The following MYBL2 variants were observed in gnomAD, a reference collection of about 807,000 sequenced individuals.
The protein encoded by MYBL2 is myb-related protein B.
MYBL2 carries 28 observed loss-of-function variants against 79.9 expected under a neutral mutation model. The ratio of observed to expected loss-of-function variants is 0.35; its 90% CI spans 0.26 to 0.48. The LOEUF is 0.48. Among genes scored for constraint, MYBL2 ranks in the 20% least tolerant of loss-of-function variants. The probability of loss-of-function intolerance (pLI) is 0.99; values close to 1 mark genes in which losing one functional copy is unlikely to be tolerated. For synonymous variants in MYBL2, 378 were observed against 361.2 expected, an observed-to-expected ratio of 1.05 and a Z score of -0.53; for missense variants, 735 against 893.9, an observed-to-expected ratio of 0.82 and a Z score of 2.27.
rs999311714 is a variant in MYBL2, at chr20:43,699,570, G to A, written c.664-187G>A. ...TTTAGTTGTCCTATCCCTTTAGTCA[G>A]CCTTTCTTAGTGTCATGATGTTGAC... is the stretch of plus-strand genomic sequence containing the variant. On this transcript the variant is annotated intron_variant, in intron 6 of 13. Transcript: ENST00000217026. Among the ~76,000 whole-genome samples the A allele has an allele frequency of 5.9e-5, 9 of 152,282 alleles. 1 individual carries two copies. Among genetic ancestry groups the A allele is most frequent in the Admixed American group, 1.3e-4 (2 of 15,288 alleles).
chr20:43,711,730 C>T lies in MYBL2; in HGVS notation c.1719+129C>T, dbSNP rs1337579530. 3 of 761,326 alleles carry T rather than the reference C, an allele frequency of 3.9e-6. No homozygotes were observed. In the East Asian group the frequency reaches 8.3e-5, roughly 21 times the overall value. 47.2% of individuals were successfully genotyped at this position (761,326 alleles called of 1,614,324 possible). On this transcript the variant is annotated intron_variant, in intron 11 of 13. Transcript: ENST00000217026. ...TGGGGGCGTAGCATATCCCCTTTGCCCCCTTTCGCACGGTGGTTGTTGAGG... is the reference window on the plus strand; with the variant it reads ...TGGGGGCGTAGCATATCCCCTTTGCTCCCTTTCGCACGGTGGTTGTTGAGG...
chr20:43,675,914 T>TTTC, intron 2 of MYBL2, among the ~76,000 whole-genome samples: 1 of 150,484 alleles, frequency 6.6e-6, no homozygotes, highest in South Asian at 2.1e-4. Context: ...ATAGGTAGTT[T>TTTC]TTTTTTTTTT....
In MYBL2 at chr20:43,713,096, C is replaced by G. The variant is rs769506148; in HGVS notation, c.1814C>G (p.Ser605Cys). 4 of 1,612,038 alleles carry G rather than the reference C, an allele frequency of 2.5e-6. No homozygotes were observed. The highest frequency in any genetic ancestry group is 2.5e-6 in the Non-Finnish European group (3 of 1,179,038). ...VKLMMSTLPK[S>C]LSLPTTAPSN... Reference sequence around the variant, plus strand: ...CTGATGATGTCCACACTGCCCAAGTCTCTATCCTTGGTAAGGCTTCTGCTC... The same window carrying G: ...CTGATGATGTCCACACTGCCCAAGTGTCTATCCTTGGTAAGGCTTCTGCTC... Residue 605 changes from serine to cysteine, a missense_variant, in exon 12 of 14, where the codon TCT becomes TGT. Physicochemically the swap from Ser to Cys is moderately radical, Grantham distance 112. Transcript: ENST00000217026.
At chr20:43,704,697 A>G (rs1303994980) in intron 8 of MYBL2, among the ~76,000 whole-genome samples, 1 of 152,140 alleles carries the variant, frequency 6.6e-6, no homozygotes, top group East Asian at 1.9e-4. Flanking sequence ...AACCTCTCTA[A>G]GCGTTGGTTT....
chr20:43,693,545 C>G (rs972091998), intron 6 of MYBL2, among the ~76,000 whole-genome samples: 17 of 152,078 alleles, frequency 1.1e-4, no homozygotes, highest in African/African-American at 4.1e-4. Flanking sequence ...CCATGTTGGT[C>G]AAACTGGTCT....
intron 1 of MYBL2, among the ~76,000 whole-genome samples, chr20:43,672,422 C>T (rs866799438): frequency 1.6e-4 from 8 of 50,868 alleles, no homozygotes; most frequent in Admixed American, 3.6e-4. Context: ...GAGACCCTGT[C>T]ATTACAAAAA....
chr20:43,680,360 TGGA>T (rs1987114998), intron 2 of MYBL2, among the ~76,000 whole-genome samples: 1 of 152,216 alleles, frequency 6.6e-6, no homozygotes, highest in African/African-American at 2.4e-5. Flanking sequence ...TTCCTGTGAG[TGGA>T]ATCCTGAGTA....
intron 6 of MYBL2, among the ~76,000 whole-genome samples, chr20:43,692,990 G>A (rs184008591): frequency 1.3e-5 from 2 of 152,010 alleles, no homozygotes; most frequent in East Asian, 3.9e-4. Flanking sequence ...CTATAATTTT[G>A]ACTTTTCTAG....
In MYBL2 at chr20:43,667,125, C is replaced by T; in HGVS notation, c.-159C>T. The T allele has an allele frequency of 3.2e-6, 1 of 317,392 alleles. No individual in the cohort carries two copies. The highest frequency in any genetic ancestry group is 5.3e-6 in the Non-Finnish European group (1 of 187,728). The allele number at this position is 317,392 out of a possible 1,614,324, so 19.7% of individuals were successfully genotyped here. ...CCCGCGCCGGCGGCGACTGCAGTTC[C>T]TGCGAGCGAGGAGCGCGGGACCTGC... On this transcript the variant is annotated 5_prime_UTR_variant, in exon 1 of 14. Coordinates refer to ENST00000217026, the MANE Select transcript of MYBL2 (RefSeq NM_002466.4).
chr20:43,667,738 A>C (rs1986753446), intron 1 of MYBL2, among the ~76,000 whole-genome samples: 1 of 152,148 alleles, frequency 6.6e-6, no homozygotes, highest in Admixed American at 6.5e-5. Flanking sequence ...CACTTGTTGC[A>C]GCCTAGTTTT....
intron 12 of MYBL2, among the ~76,000 whole-genome samples, chr20:43,713,587 A>C (rs1357765866): frequency 2.0e-5 from 3 of 151,850 alleles, no homozygotes; most frequent in Non-Finnish European, 4.4e-5. Context: ...GGGTTTCTCC[A>C]TGTTGGTCAG....
At chr20:43,669,268 G>A (rs948472117) in intron 1 of MYBL2, among the ~76,000 whole-genome samples, 2 of 152,228 alleles carry the variant, frequency 1.3e-5, no homozygotes, top group Admixed American at 1.3e-4. Context: ...CTCCCAAAGT[G>A]TCGGGATTAC....
intron 3 of MYBL2, 28 bp downstream of exon 3, chr20:43,681,883 C>T (rs763214291): frequency 6.2e-6 from 10 of 1,611,094 alleles, no homozygotes; most frequent in East Asian, 4.5e-5. Context: ...GTGGCCCTCC[C>T]TCGGGGCAAG....
Position 43,716,247 on chromosome 20 carries a change from G to A in MYBL2, c.*160G>A. On this transcript the variant is annotated 3_prime_UTR_variant, in exon 14 of 14. Coordinates refer to ENST00000217026, the MANE Select transcript of MYBL2 (RefSeq NM_002466.4). ...GGTGGAGGCAACAGGGCCATGTGCTGCCCTGTTGCCGAGCCCAGCTGTGGG... is the reference window on the plus strand; with the variant it reads ...GGTGGAGGCAACAGGGCCATGTGCTACCCTGTTGCCGAGCCCAGCTGTGGG... 1 of 1,091,734 alleles carries A rather than the reference G, an allele frequency of 9.2e-7. No individual in the cohort carries two copies. Among genetic ancestry groups the A allele is most frequent in the South Asian group, 1.7e-5 (1 of 57,740 alleles). 67.6% of individuals were successfully genotyped at this position (1,091,734 alleles called of 1,614,324 possible). A position where few individuals can be genotyped will look rare whatever the true frequency, so the allele number is the denominator to read the frequency against.
intron 2 of MYBL2, among the ~76,000 whole-genome samples, chr20:43,674,234 C>CCCCCTT (rs33986259): frequency 1.4e-4 from 10 of 72,228 alleles, no homozygotes; most frequent in Non-Finnish European, 2.1e-4. Context: ...TCCCCCCACC[C>CCCCCTT]TTTTTTTTTT....
chr20:43,680,254 C>G (rs1436806214), intron 2 of MYBL2, among the ~76,000 whole-genome samples: 1 of 152,108 alleles, frequency 6.6e-6, no homozygotes, highest in Non-Finnish European at 1.5e-5. Context: ...TCTCAAACTC[C>G]TGACCTCAGG....
At position 43,711,839 on chromosome 20, in the gene MYBL2, C is replaced by T. The variant is rs34423759; in HGVS notation, c.1719+238C>T. 1.7e-3 allele frequency among the ~76,000 whole-genome samples: 265 copies of T among 152,258 alleles called. 1 individual carries two copies. The highest frequency in any genetic ancestry group is 3.5e-3 in the Non-Finnish European group (236 of 68,008). On this transcript the variant is annotated intron_variant, in intron 11 of 13. Transcript: ENST00000217026. The stretch of plus-strand genomic sequence containing the variant: ...TCACTTACTTATCCAGCATTGTGTT[C>T]GGACCCTGCTCAAGTTGGGCTGGGC...
intron 1 of MYBL2, among the ~76,000 whole-genome samples, chr20:43,669,905 C>T (rs970214228): frequency 1.3e-5 from 2 of 152,132 alleles, no homozygotes; most frequent in African/African-American, 4.8e-5. Context: ...AGTTCAAGAC[C>T]AGCTTGACCA....
At position 43,673,900 on chromosome 20, in the gene MYBL2, G is replaced by T; in HGVS notation, c.114+1G>T. ...CAAGGTCAAATGGACCCATGAGGAG[G>T]TGAGTGCCATGGGGAAGAGAGGGTT... is the stretch of plus-strand genomic sequence containing the variant. On this transcript the variant is annotated splice_donor_variant, in intron 2 of 13. Transcript: ENST00000217026. LOFTEE classifies it high-confidence loss of function. 1 of 1,551,750 alleles carries T rather than the reference G, an allele frequency of 6.4e-7. No individual in the cohort carries two copies.
Sources: gnomAD v4.1 joint callset for allele counts (sites outside exome capture counted in the v4.1 genomes callset) on GRCh38, gnomAD v4.1.1 for gene constraint, MANE v1.5 for transcripts, NCBI Gene and HGNC (gene_info 2026-07-23, HGNC 2026-07-21) for gene names.